The following SHROOM3 variants were observed in gnomAD, a reference collection of about 807,000 sequenced individuals.
SHROOM3 encodes shroom family member 3.
In SHROOM3, 47 loss-of-function variants were observed where a neutral mutation model predicts 138.6. The ratio of observed to expected loss-of-function variants is 0.34; its 90% CI spans 0.27 to 0.43. The LOEUF is 0.43. SHROOM3 is among the 20% of genes least tolerant of loss of function. The pLI is 1.00. For synonymous variants in SHROOM3, 1,062 were observed against 1,063.3 expected (o/e 1.00, Z 0.02); for missense variants, 2,491 against 2,596.5 (o/e 0.96, Z 0.88).
intron 9 of SHROOM3, among the ~76,000 whole-genome samples, chr4:76,769,923 C>A (rs968695176): frequency 6.6e-6 from 1 of 152,208 alleles, no homozygotes; most frequent in Non-Finnish European, 1.5e-5. Flanking sequence ...ATTCCTCTGA[C>A]TCTTGGCCTA....
At chr4:76,644,770 G>A (rs1284471999) in intron 2 of SHROOM3, among the ~76,000 whole-genome samples, 2 of 152,024 alleles carry the variant, frequency 1.3e-5, no homozygotes, top group Non-Finnish European at 1.5e-5. Context: ...CTGGATTCAC[G>A]TTCTTTTGCA....
chr4:76,502,518 T>A (rs895339826), intron 1 of SHROOM3, among the ~76,000 whole-genome samples: 2 of 152,106 alleles, frequency 1.3e-5, no homozygotes, highest in African/African-American at 4.8e-5. Flanking sequence ...CAGAATTCAA[T>A]TGAATTAGAG....
intron 3 of SHROOM3, among the ~76,000 whole-genome samples, chr4:76,726,233 C>G (rs184235946): frequency 4.0e-4 from 61 of 150,692 alleles, no homozygotes; most frequent in African/African-American, 1.5e-3. Context: ...AACTTGTTTT[C>G]CTCCTCCTTC....
intron 1 of SHROOM3, among the ~76,000 whole-genome samples, chr4:76,529,515 C>G (rs963735843): frequency 6.6e-6 from 1 of 152,006 alleles, no homozygotes; most frequent in Non-Finnish European, 1.5e-5. Flanking sequence ...TTAGTAGACA[C>G]GGGGTTTCAC....
chr4:76,659,626 G>C (rs1736141194), intron 2 of SHROOM3, among the ~76,000 whole-genome samples: 1 of 152,162 alleles, frequency 6.6e-6, no homozygotes, highest in African/African-American at 2.4e-5. Flanking sequence ...CTGTTGCCCA[G>C]GCTGAAGTGC....
At chr4:76,658,207 C>G (rs1370525554) in intron 2 of SHROOM3, among the ~76,000 whole-genome samples, 1 of 152,208 alleles carries the variant, frequency 6.6e-6, no homozygotes, top group African/African-American at 2.4e-5. Context: ...CACCAAATTA[C>G]AGGGTTTCAA....
chr4:76,769,013 A>G (rs960551501), intron 9 of SHROOM3, among the ~76,000 whole-genome samples: 4 of 152,232 alleles, frequency 2.6e-5, no homozygotes, highest in Non-Finnish European at 5.9e-5. Context: ...TTGTGATTAC[A>G]TTCCTAATGG....
chr4:76,686,481 C>T (rs899815835), intron 2 of SHROOM3, among the ~76,000 whole-genome samples: 2 of 152,048 alleles, frequency 1.3e-5, no homozygotes, highest in African/African-American at 4.8e-5. Flanking sequence ...ATTAGACTTA[C>T]ATTGAAAATG....
chr4:76,555,889 T>C lies in SHROOM3; in HGVS notation c.323+126T>C, dbSNP rs148489997. On this transcript the variant is annotated intron_variant, in intron 2 of 10. Transcript: ENST00000296043. ...GCTTTAAACCTCCATGTATGGATCCTGCCTTTTTTTCTTTTTTCTTTCCTA... is the reference window on the plus strand; with the variant it reads ...GCTTTAAACCTCCATGTATGGATCCCGCCTTTTTTTCTTTTTTCTTTCCTA... The C allele has an allele frequency of 7.8e-4, 816 of 1,047,000 alleles. 3 individuals are homozygous for C. Among genetic ancestry groups the C allele is most frequent in the Middle Eastern group, 7.5e-3 (26 of 3,480 alleles). 64.9% of individuals were successfully genotyped at this position (1,047,000 alleles called of 1,614,324 possible).
chr4:76,592,781 C>T (rs1265215726), intron 2 of SHROOM3, among the ~76,000 whole-genome samples: 1 of 152,142 alleles, frequency 6.6e-6, no homozygotes, highest in Non-Finnish European at 1.5e-5. Flanking sequence ...TCACAACGTA[C>T]TCATGTTTGA....
chr4:76,669,605 A>T lies in SHROOM3; in HGVS notation c.324-40551A>T, dbSNP rs1223245983. ...CTGCTACAGAGCAAAACTCTGTCTC[A>T]AAAAAAAAAAAAGAATCCTAGATAC... On this transcript the variant is annotated intron_variant, in intron 2 of 10. Coordinates refer to ENST00000296043, the MANE Select transcript of SHROOM3 (RefSeq NM_020859.4). Among the ~76,000 whole-genome samples the T allele has an allele frequency of 5.7e-5, 8 of 140,614 alleles. No individual in the cohort carries two copies. The East Asian group carries it at 1.6e-3, about 28-fold the overall frequency. 92.2% of individuals were successfully genotyped at this position (140,614 alleles called of 152,430 possible).
chr4:76,695,849 A>G (rs1719711107), intron 2 of SHROOM3, among the ~76,000 whole-genome samples: 1 of 152,216 alleles, frequency 6.6e-6, no homozygotes, highest in Non-Finnish European at 1.5e-5. Context: ...TCAGCCACTC[A>G]AGTGGTGCCA....
chr4:76,740,142 A>C lies in SHROOM3; in HGVS notation c.1969A>C (p.Lys657Gln), dbSNP rs1230373546. The C allele has an allele frequency of 6.2e-6, 10 of 1,613,802 alleles. No individual in the cohort carries two copies. Residue 657 changes from lysine to glutamine, a missense_variant, in exon 5 of 11, where the codon AAG (lysine) becomes CAG (glutamine). Coordinates refer to ENST00000296043, the MANE Select transcript of SHROOM3 (RefSeq NM_020859.4). This position sits in a 1 kb window ranked among gnomAD's most constrained non-coding sequence, Gnocchi z 4.0. ...LGQSLSGNFGKTKSAFSSLQN... is the reference protein window; with the variant it reads ...LGQSLSGNFGQTKSAFSSLQN... ...CCAGAGCCTGTCAGGCAACTTTGGC[A>C]AGACCAAGTCAGCCTTCTCATCTCT...
Position 76,756,544 on chromosome 4 carries a change from A to T in SHROOM3, c.4805A>T (p.Gln1602Leu). The T allele has an allele frequency of 6.2e-7, 1 of 1,613,776 alleles. No homozygotes were observed. Among genetic ancestry groups the T allele is most frequent in the Non-Finnish European group, 8.5e-7 (1 of 1,179,990 alleles). ...VGSQTLASRL[Q>L]TSIKGSEAES... ...AGTCAGACACTGGCTTCCAGACTCC[A>T]AACTTCTATCAAGGGTTCAGAGGCT... is the stretch of plus-strand genomic sequence containing the variant. The change falls in exon 8 of 11, where the codon CAA (glutamine) becomes CTA (leucine). Residue 1602 changes from glutamine (Q) to leucine (L), a missense_variant. Physicochemically the swap from Gln to Leu is moderately radical, Grantham distance 113. Transcript: ENST00000296043.
At chr4:76,584,531 T>C (rs1223072677) in intron 2 of SHROOM3, among the ~76,000 whole-genome samples, 1 of 152,176 alleles carries the variant, frequency 6.6e-6, no homozygotes, top group African/African-American at 2.4e-5. Context: ...ATGAGTCCAC[T>C]CCTGGCTCCT....
intron 1 of SHROOM3, among the ~76,000 whole-genome samples, chr4:76,476,800 G>T (rs1731493548): frequency 6.6e-6 from 1 of 152,060 alleles, no homozygotes; most frequent in Non-Finnish European, 1.5e-5. Flanking sequence ...TAATGCTTTT[G>T]GGAATGTGCT....
chr4:76,540,048 A>T (rs1397905549), intron 1 of SHROOM3, among the ~76,000 whole-genome samples: 8 of 152,174 alleles, frequency 5.3e-5, no homozygotes, highest in Admixed American at 5.2e-4. Context: ...GGGTTTCGCC[A>T]TGTTGGCCTG....
intron 1 of SHROOM3, among the ~76,000 whole-genome samples, chr4:76,479,013 G>A (rs553595192): frequency 3.3e-5 from 5 of 152,086 alleles, no homozygotes; most frequent in East Asian, 3.9e-4. Context: ...ATAAATCCAC[G>A]AAGATGAGAA....
At chr4:76,728,920 G>A (rs908826070) in intron 3 of SHROOM3, among the ~76,000 whole-genome samples, 4 of 152,094 alleles carry the variant, frequency 2.6e-5, no homozygotes, top group African/African-American at 7.2e-5. Flanking sequence ...GGGGCTGGGC[G>A]CCTCATCAGC....
Sources: allele counts gnomAD v4.1 joint callset (sites outside exome capture counted in the v4.1 genomes callset), GRCh38; gene constraint gnomAD v4.1.1; non-coding constraint Gnocchi (gnomAD v3.1); transcripts MANE v1.5; gene names NCBI Gene and HGNC (gene_info 2026-07-23, HGNC 2026-07-21).